Variants in IMMP2L observed in about 807,000 individuals in gnomAD.
IMMP2L encodes the protein inner mitochondrial membrane peptidase subunit 2.
In IMMP2L, 18 loss-of-function variants were observed where a neutral mutation model predicts 19.3. The observed-to-expected ratio is 0.93, with a 90% confidence interval of 0.64 to 1.38. The LOEUF is 1.38. Among genes scored for constraint, IMMP2L ranks in the 40% most tolerant of loss-of-function variants. The pLI is 0.00. For synonymous variants in IMMP2L, 76 were observed against 73.0 expected (o/e 1.04, Z -0.21); for missense variants, 233 against 218.2 (o/e 1.07, Z -0.43).
At chr7:110,667,780 A>G (rs763889459) in intron 5 of IMMP2L, among the ~76,000 whole-genome samples, 9 of 152,226 alleles carry the variant, frequency 5.9e-5, no homozygotes, top group Non-Finnish European at 1.3e-4. Flanking sequence ...AAAATAGTAT[A>G]TTTGTGCTGT....
chr7:111,072,976 G>A (rs950599251), intron 3 of IMMP2L, among the ~76,000 whole-genome samples: 1 of 151,882 alleles, frequency 6.6e-6, no homozygotes, highest in Non-Finnish European at 1.5e-5. Flanking sequence ...TAGATCATTG[G>A]TAAAGGCAAA....
At chr7:110,886,466 C>T in intron 5 of IMMP2L, 127 bp downstream of exon 5, 1 of 616,452 alleles carries the variant, frequency 1.6e-6, no homozygotes, top group Non-Finnish European at 2.9e-6. Flanking sequence ...AATTTTCAAA[C>T]ATAAACTATT....
chr7:111,317,713 T>C (rs1411065359), intron 3 of IMMP2L, among the ~76,000 whole-genome samples: 1 of 152,060 alleles, frequency 6.6e-6, no homozygotes, highest in African/African-American at 2.4e-5. Flanking sequence ...TGATTTCACT[T>C]GGTTAGTGAG....
chr7:110,936,655 A>T lies in IMMP2L; in HGVS notation c.305+26845T>A, dbSNP rs543254073. Among the ~76,000 whole-genome samples, 5 of 152,304 alleles carry T rather than the reference A, an allele frequency of 3.3e-5. No homozygotes were observed. The South Asian group carries it at 1.0e-3, about 32-fold the overall frequency. On this transcript the variant is annotated intron_variant, in intron 4 of 5. Coordinates refer to ENST00000405709, the MANE Select transcript of IMMP2L (RefSeq NM_032549.4). ...AAGACAGTGTGGTGATTCCTCAAGG[A>T]TCTAGAACCAGAAATGCCATTTGAC...
intron 5 of IMMP2L, among the ~76,000 whole-genome samples, chr7:110,819,176 A>G (rs1019611358): frequency 6.6e-6 from 1 of 151,666 alleles, no homozygotes; most frequent in African/African-American, 2.4e-5. Flanking sequence ...GGATTTGTGA[A>G]CTTCCTTTGG....
intron 3 of IMMP2L, among the ~76,000 whole-genome samples, chr7:111,341,498 C>A (rs1387007028): frequency 6.6e-6 from 1 of 152,108 alleles, no homozygotes; most frequent in African/African-American, 2.4e-5. Flanking sequence ...AGTCTTAACA[C>A]ACCTAAACAT....
At chr7:110,761,397 ATAG>A (rs1205193307) in intron 5 of IMMP2L, among the ~76,000 whole-genome samples, 2 of 152,094 alleles carry the variant, frequency 1.3e-5, no homozygotes, top group Non-Finnish European at 2.9e-5. Flanking sequence ...TAGATTCGAT[ATAG>A]TACTAGGGTG....
At chr7:111,548,582 C>T (rs1399700226) in intron 1 of IMMP2L, among the ~76,000 whole-genome samples, 1 of 152,142 alleles carries the variant, frequency 6.6e-6, no homozygotes, top group East Asian at 1.9e-4. Context: ...CAGGAGATGA[C>T]AATTACACCT....
intron 3 of IMMP2L, among the ~76,000 whole-genome samples, chr7:111,047,651 C>G (rs902512975): frequency 2.6e-5 from 4 of 152,114 alleles, no homozygotes; most frequent in African/African-American, 9.7e-5. Flanking sequence ...ATGCTAATAT[C>G]TAATTATGTG....
rs545412842 is a variant in IMMP2L at position 111,438,131 on chromosome 7, G to A, written c.239+49107C>T. ...TTTCTGAGGCAGAAACCAACTCAACGGAGTTACCTATTAAAGGCCAATATG... is the reference window on the plus strand; with the variant it reads ...TTTCTGAGGCAGAAACCAACTCAACAGAGTTACCTATTAAAGGCCAATATG... On this transcript the variant is annotated intron_variant, in intron 3 of 5. Transcript: ENST00000405709. 5.7e-4 allele frequency among the ~76,000 whole-genome samples: 87 copies of A among 151,702 alleles called. 1 individual carries two copies. The highest frequency in any genetic ancestry group is 6.8e-4 in the Non-Finnish European group (46 of 67,978).
chr7:110,729,693 T>A (rs1796120019), intron 5 of IMMP2L, among the ~76,000 whole-genome samples: 1 of 152,208 alleles, frequency 6.6e-6, no homozygotes, highest in Admixed American at 6.5e-5. Context: ...TTCTCACTTA[T>A]AACTGGGAGC....
chr7:111,364,042 T>A (rs886684271), intron 3 of IMMP2L, among the ~76,000 whole-genome samples: 2 of 151,966 alleles, frequency 1.3e-5, no homozygotes, highest in African/African-American at 2.4e-5. Context: ...ACACATACAA[T>A]GGGCAAAGGT....
intron 5 of IMMP2L, among the ~76,000 whole-genome samples, chr7:110,882,587 G>A (rs10241574): frequency 0.04 from 6,069 of 151,830 alleles, 392 homozygotes; most frequent in African/African-American, 0.14. Context: ...CACCATGTTG[G>A]TCAGGCTGGT....
Position 111,465,696 on chromosome 7 carries a change from G to A in IMMP2L, c.239+21542C>T, listed in dbSNP as rs1299814205. Reference sequence around the variant, plus strand: ...AACAACAGGTGCTGGAGAGGATGTGGAGAAATAGGAACACTTTTACACTGT... The same window carrying A: ...AACAACAGGTGCTGGAGAGGATGTGAAGAAATAGGAACACTTTTACACTGT... On this transcript the variant is annotated intron_variant, in intron 3 of 5. Coordinates refer to ENST00000405709, the MANE Select transcript of IMMP2L (RefSeq NM_032549.4). Among the ~76,000 whole-genome samples, 8 of 151,996 alleles carry A rather than the reference G, an allele frequency of 5.3e-5. 1 individual carries two copies. Among genetic ancestry groups the A allele is most frequent in the East Asian group, 3.9e-4 (2 of 5,176 alleles).
chr7:111,535,704 G>T (rs748499402), intron 1 of IMMP2L, among the ~76,000 whole-genome samples: 2 of 152,112 alleles, frequency 1.3e-5, no homozygotes, highest in Non-Finnish European at 2.9e-5. Flanking sequence ...AACAGTGAGA[G>T]AAACAATTGT....
chr7:110,850,466 G>A (rs1442488710), intron 5 of IMMP2L, among the ~76,000 whole-genome samples: 1 of 152,026 alleles, frequency 6.6e-6, no homozygotes, highest in Admixed American at 6.6e-5. Context: ...CTGAAAGTGG[G>A]TTTACATATG....
intron 5 of IMMP2L, among the ~76,000 whole-genome samples, chr7:110,699,201 T>C (rs1472661118): frequency 6.6e-6 from 1 of 152,196 alleles, no homozygotes; most frequent in African/African-American, 2.4e-5. Context: ...TGTTCAGAGT[T>C]GGCCCCAGTT....
At chr7:110,995,252 G>A (rs1471205184) in intron 3 of IMMP2L, among the ~76,000 whole-genome samples, 4 of 152,006 alleles carry the variant, frequency 2.6e-5, no homozygotes, top group Admixed American at 2.6e-4. Context: ...AACATAAGAA[G>A]GGAAACTTAC....
At chr7:111,480,203 C>A (rs1842059346) in intron 3 of IMMP2L, among the ~76,000 whole-genome samples, 1 of 151,686 alleles carries the variant, frequency 6.6e-6, no homozygotes, top group Admixed American at 6.6e-5. Flanking sequence ...CCTGCCTCAG[C>A]CTCCCGAGTA....
Sources: gnomAD v4.1 joint callset for allele counts (sites outside exome capture counted in the v4.1 genomes callset) on GRCh38, gnomAD v4.1.1 for gene constraint, MANE v1.5 for transcripts, NCBI Gene and HGNC (gene_info 2026-07-23, HGNC 2026-07-21) for gene names.